CSNK1G3: variants seen among roughly 807,000 people sequenced by gnomAD.
The protein encoded by CSNK1G3 is casein kinase 1 gamma 3.
A neutral mutation model predicts 64.3 loss-of-function variants in CSNK1G3; 23 were observed. That is an observed-to-expected ratio of 0.36 (90% CI 0.26 to 0.51). The LOEUF is 0.51. Among genes scored for constraint, CSNK1G3 ranks in the 20% least tolerant of loss-of-function variants. CSNK1G3 has a pLI of 0.96. For synonymous variants in CSNK1G3, 158 were observed against 162.2 expected (o/e 0.97, Z 0.20); for missense variants, 357 against 510.5 (o/e 0.70, Z 2.90).
intron 4 of CSNK1G3, among the ~76,000 whole-genome samples, chr5:123,566,373 A>T (rs1329786857): frequency 6.6e-6 from 1 of 152,246 alleles, no homozygotes; most frequent in Non-Finnish European, 1.5e-5. Flanking sequence ...TGTAACTTTC[A>T]TGAATTCACA....
intron 1 of CSNK1G3, among the ~76,000 whole-genome samples, chr5:123,534,482 A>G (rs1182178759): frequency 6.6e-6 from 1 of 152,136 alleles, no homozygotes; most frequent in Non-Finnish European, 1.5e-5. Context: ...TCAGTCTTAG[A>G]AAATCAGAGC....
intron 6 of CSNK1G3, among the ~76,000 whole-genome samples, chr5:123,585,112 G>C (rs1053447533): frequency 6.6e-6 from 1 of 151,976 alleles, no homozygotes; most frequent in Non-Finnish European, 1.5e-5. Context: ...TTGATATGAA[G>C]GCAGATACAG....
intron 1 of CSNK1G3, among the ~76,000 whole-genome samples, chr5:123,516,968 C>T (rs1561437477): frequency 6.6e-6 from 1 of 152,178 alleles, no homozygotes. Flanking sequence ...CCCTGTTATT[C>T]TGCCATTATA....
intron 10 of CSNK1G3, among the ~76,000 whole-genome samples, chr5:123,595,448 A>G (rs901013571): frequency 6.6e-6 from 1 of 152,158 alleles, no homozygotes; most frequent in African/African-American, 2.4e-5. Context: ...TTCCAATAAT[A>G]AGATCAGTCT....
At chr5:123,574,290 C>A (rs10076545) in intron 5 of CSNK1G3, among the ~76,000 whole-genome samples, 366 of 152,156 alleles carry the variant, frequency 2.4e-3, no homozygotes, top group African/African-American at 8.2e-3. Flanking sequence ...AAGGCAGTTT[C>A]GAAATAAATG....
At chr5:123,557,635 G>T in intron 4 of CSNK1G3, 71 bp downstream of exon 4, 4 of 993,188 alleles carry the variant, frequency 4.0e-6, no homozygotes, top group Non-Finnish European at 6.0e-6. Flanking sequence ...TCAAGGAATG[G>T]TATTTTAAGT....
In CSNK1G3 at chr5:123,536,440, T is replaced by TA. The variant is rs1554068698; in HGVS notation, c.-247-8967dup. Among the ~76,000 whole-genome samples the TA allele has an allele frequency of 7.0e-3, 830 of 118,854 alleles. 10 individuals carry two copies. The highest frequency in any genetic ancestry group is 0.021 in the African/African-American group (708 of 33,000). The allele number at this position is 118,854 out of a possible 152,430, so 78.0% of individuals were successfully genotyped here. ...ATATGAAGGGCTTTTTTTTTTTTTT[T>TA]AAAAAAAAAAGCTTCTTAAAGCTAG... On this transcript the variant is annotated intron_variant, in intron 1 of 12. Coordinates refer to ENST00000345990, the Ensembl canonical transcript of CSNK1G3.
At chr5:123,526,808 G>A (rs1779160972) in intron 1 of CSNK1G3, among the ~76,000 whole-genome samples, 1 of 150,360 alleles carries the variant, frequency 6.7e-6, no homozygotes, top group Non-Finnish European at 1.5e-5. Context: ...TTATCTATTT[G>A]CCCATTAAGA....
chr5:123,615,539 G>T (rs1389810372), exon 13 of CSNK1G3: 1 of 152,256 alleles, frequency 6.6e-6, no homozygotes, highest in Admixed American at 6.6e-5. Context: ...AAAATATTTT[G>T]GAAAGGATGG....
intron 12 of CSNK1G3, among the ~76,000 whole-genome samples, chr5:123,612,099 T>C (rs936889671): frequency 3.9e-5 from 6 of 152,248 alleles, no homozygotes; most frequent in African/African-American, 1.4e-4. Flanking sequence ...CAGTTCTTTC[T>C]GCTAGTCACC....
At chr5:123,607,338 A>G (rs1795529072) in intron 12 of CSNK1G3, among the ~76,000 whole-genome samples, 1 of 152,192 alleles carries the variant, frequency 6.6e-6, no homozygotes, top group African/African-American at 2.4e-5. Context: ...GAATTTCTTG[A>G]AAACAGGTAT....
At chr5:123,517,815 G>T (rs1777433971) in intron 1 of CSNK1G3, among the ~76,000 whole-genome samples, 1 of 151,648 alleles carries the variant, frequency 6.6e-6, no homozygotes, top group South Asian at 2.1e-4. Flanking sequence ...TTCCTTTTTA[G>T]GCTAACTTCA....
chr5:123,542,945 T>G (rs1781924088), intron 1 of CSNK1G3, among the ~76,000 whole-genome samples: 1 of 151,330 alleles, frequency 6.6e-6, no homozygotes, highest in African/African-American at 2.4e-5. Context: ...CGCCCTCTTC[T>G]TTTTCTCTGG....
At chr5:123,591,239 A>T in intron 9 of CSNK1G3, 80 bp from the exon 10 acceptor site, 1 of 790,864 alleles carries the variant, frequency 1.3e-6, no homozygotes, top group Non-Finnish European at 1.9e-6. Context: ...TTTTTTCCTT[A>T]ATTCTTTTAA....
At chr5:123,519,869 G>C (rs1438463894) in intron 1 of CSNK1G3, among the ~76,000 whole-genome samples, 1 of 152,182 alleles carries the variant, frequency 6.6e-6, no homozygotes, top group Non-Finnish European at 1.5e-5. Context: ...TTCTGAGTAA[G>C]AATTAGGAGG....
At chr5:123,592,855 A>T (rs2112468) in intron 10 of CSNK1G3, among the ~76,000 whole-genome samples, 1 of 151,520 alleles carries the variant, frequency 6.6e-6, no homozygotes, top group Non-Finnish European at 1.5e-5. Flanking sequence ...ATAAATTAAA[A>T]TTAGTTGATA....
intron 1 of CSNK1G3, among the ~76,000 whole-genome samples, chr5:123,516,859 T>A (rs1777257184): frequency 2.6e-5 from 4 of 152,204 alleles, no homozygotes; most frequent in African/African-American, 9.6e-5. Context: ...AGGTTGAAGT[T>A]GTATTCAAAT....
intron 12 of CSNK1G3, among the ~76,000 whole-genome samples, chr5:123,610,824 A>G (rs1013709181): frequency 6.6e-6 from 1 of 151,754 alleles, no homozygotes; most frequent in Non-Finnish European, 1.5e-5. Context: ...AAAAATAATG[A>G]AAAAAAAATT....
chr5:123,555,092 T>G (rs1784387130), intron 3 of CSNK1G3, among the ~76,000 whole-genome samples: 1 of 152,236 alleles, frequency 6.6e-6, no homozygotes, highest in African/African-American at 2.4e-5. Context: ...ACTAGTTTTC[T>G]CCCCTTTTTA....
Sources: gnomAD v4.1 joint callset for allele counts (sites outside exome capture counted in the v4.1 genomes callset) on GRCh38, gnomAD v4.1.1 for gene constraint, MANE v1.5 for transcripts, NCBI Gene and HGNC (gene_info 2026-07-23, HGNC 2026-07-21) for gene names.